Variants in AUTS2 observed in about 807,000 individuals in gnomAD.
AUTS2 encodes activator of transcription and developmental regulator AUTS2, also known as autism susceptibility gene 2 protein.
In AUTS2, 17 loss-of-function variants were observed where a neutral mutation model predicts 112.4. The observed-to-expected ratio is 0.15, with a 90% CI of 0.10 to 0.23. The LOEUF (loss-of-function observed/expected upper bound fraction) is 0.23, where lower values mean the gene tolerates loss of function less well. AUTS2 is among the 10% of genes least tolerant of loss of function. The pLI is 1.00. For missense variants in AUTS2, 1,510 were observed against 1,701.6 expected (o/e 0.89, Z 1.98); for synonymous variants, 751 against 702.7 (o/e 1.07, Z -1.09).
chr7:70,554,699 C>A (rs947495692), intron 5 of AUTS2, among the ~76,000 whole-genome samples: 1 of 152,190 alleles, frequency 6.6e-6, no homozygotes, highest in Non-Finnish European at 1.5e-5. Flanking sequence ...TACTTAGCAG[C>A]AAAATCTGCT....
chr7:70,038,955 C>T (rs1801128875), intron 2 of AUTS2, among the ~76,000 whole-genome samples: 1 of 151,988 alleles, frequency 6.6e-6, no homozygotes, highest in Non-Finnish European at 1.5e-5. Context: ...GACGGAGTTT[C>T]ACTGTGTTGG....
chr7:70,625,944 G>A (rs1019816288), intron 5 of AUTS2, among the ~76,000 whole-genome samples: 11 of 151,758 alleles, frequency 7.2e-5, no homozygotes, highest in African/African-American at 2.7e-4. Context: ...ATGGAATCTT[G>A]CTCTGTCACC....
intron 3 of AUTS2, among the ~76,000 whole-genome samples, chr7:70,122,890 C>G (rs921425200): frequency 5.9e-5 from 7 of 117,804 alleles, no homozygotes; most frequent in South Asian, 2.7e-4. Context: ...TTTTTTTTTC[C>G]GTGACACGGA....
At chr7:70,510,300 T>A (rs982294299) in intron 5 of AUTS2, among the ~76,000 whole-genome samples, 1 of 152,246 alleles carries the variant, frequency 6.6e-6, no homozygotes, top group Non-Finnish European at 1.5e-5. Context: ...TTAAGCTCTC[T>A]TAAACTTTAT....
chr7:70,750,081 T>C (rs1788705825), intron 6 of AUTS2, among the ~76,000 whole-genome samples: 1 of 152,122 alleles, frequency 6.6e-6, no homozygotes, highest in African/African-American at 2.4e-5. Context: ...CATGCCTGGG[T>C]GTCTGTGGTC....
intron 5 of AUTS2, among the ~76,000 whole-genome samples, chr7:70,630,252 CG>C (rs1043271315): frequency 9.2e-5 from 14 of 152,036 alleles, no homozygotes; most frequent in African/African-American, 3.4e-4. Context: ...CTGGAGGGCC[CG>C]GTCATCAATA....
chr7:69,980,253 C>T (rs546180349), intron 2 of AUTS2, among the ~76,000 whole-genome samples: 1 of 152,222 alleles, frequency 6.6e-6, no homozygotes, highest in African/African-American at 2.4e-5. Flanking sequence ...CAGCTAATTA[C>T]ATCAACCTTT....
chr7:70,298,944 G>A (rs574521503), intron 4 of AUTS2, among the ~76,000 whole-genome samples: 98 of 152,280 alleles, frequency 6.4e-4, no homozygotes, highest in Non-Finnish European at 1.1e-3. Flanking sequence ...CAGCCCACAC[G>A]GGTGCACACA....
chr7:70,385,678 G>T (rs1562927886), intron 4 of AUTS2, among the ~76,000 whole-genome samples: 1 of 152,220 alleles, frequency 6.6e-6, no homozygotes, highest in Non-Finnish European at 1.5e-5. Context: ...GGAGGCTGCA[G>T]TGAGCAATGC....
At chr7:70,324,522 G>A (rs1790399020) in intron 4 of AUTS2, among the ~76,000 whole-genome samples, 1 of 152,058 alleles carries the variant, frequency 6.6e-6, no homozygotes, top group Non-Finnish European at 1.5e-5. Flanking sequence ...CCACTCGGGA[G>A]GCTGAGGTGG....
intron 4 of AUTS2, among the ~76,000 whole-genome samples, chr7:70,384,966 G>A (rs1562927537): frequency 6.6e-6 from 1 of 152,122 alleles, no homozygotes; most frequent in East Asian, 1.9e-4. Context: ...GAGATATAGT[G>A]GGTAAAGTCT....
intron 2 of AUTS2, among the ~76,000 whole-genome samples, chr7:69,973,301 G>A (rs1797931401): frequency 6.6e-6 from 1 of 152,086 alleles, no homozygotes; most frequent in African/African-American, 2.4e-5. Context: ...CTTGATAAAT[G>A]GAGTTATTAG....
intron 5 of AUTS2, among the ~76,000 whole-genome samples, chr7:70,453,960 A>T (rs920073409): frequency 6.6e-6 from 1 of 152,226 alleles, no homozygotes; most frequent in Non-Finnish European, 1.5e-5. Context: ...CTTGGCTAGA[A>T]GAGTCCATTC....
chr7:70,487,065 C>G (rs1217930670), intron 5 of AUTS2, among the ~76,000 whole-genome samples: 1 of 152,050 alleles, frequency 6.6e-6, no homozygotes, highest in Non-Finnish European at 1.5e-5. Context: ...CAGCCCCTCC[C>G]TATTTGGGAG....
intron 2 of AUTS2, among the ~76,000 whole-genome samples, chr7:69,921,628 A>G (rs568672075): frequency 1.3e-5 from 2 of 151,490 alleles, no homozygotes; most frequent in African/African-American, 2.4e-5. Context: ...AAAATTAGCC[A>G]GGCTTGGTGG....
intron 1 of AUTS2, among the ~76,000 whole-genome samples, chr7:69,855,921 G>A (rs1385744481): frequency 6.6e-6 from 1 of 152,116 alleles, no homozygotes. Context: ...GGGACCTTAG[G>A]TTGGCTAATT....
chr7:70,492,766 TG>T (rs1461524864), intron 5 of AUTS2, among the ~76,000 whole-genome samples: 1 of 152,136 alleles, frequency 6.6e-6, no homozygotes, highest in Non-Finnish European at 1.5e-5. Flanking sequence ...CGAAAGGCCT[TG>T]GCTTGGAGCA....
chr7:70,387,842 T>G (rs1194514679), intron 4 of AUTS2, among the ~76,000 whole-genome samples: 1 of 152,184 alleles, frequency 6.6e-6, no homozygotes, highest in Non-Finnish European at 1.5e-5. Flanking sequence ...GACCATTCGA[T>G]CTCTGCTCAT....
intron 5 of AUTS2, among the ~76,000 whole-genome samples, chr7:70,583,422 T>A (rs978029452): frequency 4.6e-5 from 7 of 152,194 alleles, no homozygotes; most frequent in Non-Finnish European, 8.8e-5. Context: ...CCGCAGTGAT[T>A]AGCAGTGAAT....
Sources: gnomAD v4.1 joint callset for allele counts (sites outside exome capture counted in the v4.1 genomes callset) on GRCh38, gnomAD v4.1.1 for gene constraint, MANE v1.5 for transcripts, NCBI Gene and HGNC (gene_info 2026-07-23, HGNC 2026-07-21) for gene names.